The following CNTNAP5 variants were observed in gnomAD, a reference collection of about 807,000 sequenced individuals.
CNTNAP5 encodes the protein contactin-associated protein-like 5.
CNTNAP5 carries 72 observed loss-of-function variants against 150.2 expected under a neutral mutation model. That is an observed-to-expected ratio of 0.48 (90% confidence interval 0.40 to 0.58). CNTNAP5 has a LOEUF of 0.58. Ranked by LOEUF, CNTNAP5 falls within the 20% of genes least tolerant of loss-of-function variation. CNTNAP5 has a pLI of 0.00. For missense variants in CNTNAP5, 1,636 were observed against 1,626.2 expected (o/e 1.01, Z -0.10); for synonymous variants, 672 against 619.8 (o/e 1.08, Z -1.25).
At chr2:124,895,485 G>C (rs956983603) in intron 21 of CNTNAP5, among the ~76,000 whole-genome samples, 1 of 151,438 alleles carries the variant, frequency 6.6e-6, no homozygotes, top group Non-Finnish European at 1.5e-5. Context: ...AAGTAACCAG[G>C]TGTGGTGGCA....
chr2:124,026,554 T>C (rs188044283), intron 1 of CNTNAP5, among the ~76,000 whole-genome samples: 2 of 152,230 alleles, frequency 1.3e-5, no homozygotes, highest in East Asian at 1.9e-4. Flanking sequence ...TCTGGAGCTA[T>C]GAGAGGTTCA....
At chr2:124,336,669 C>T (rs1400619690) in intron 3 of CNTNAP5, among the ~76,000 whole-genome samples, 2 of 151,720 alleles carry the variant, frequency 1.3e-5, no homozygotes, top group Non-Finnish European at 2.9e-5. Context: ...ATGATGGTTT[C>T]CAGCTTCATC....
intron 1 of CNTNAP5, among the ~76,000 whole-genome samples, chr2:124,210,714 G>A (rs911703396): frequency 1.3e-5 from 2 of 152,116 alleles, no homozygotes; most frequent in Non-Finnish European, 2.9e-5. Context: ...GCCCAAAACA[G>A]TATTTCCTTG....
intron 22 of CNTNAP5, among the ~76,000 whole-genome samples, chr2:124,904,210 A>C (rs183395724): frequency 2.0e-5 from 3 of 152,118 alleles, no homozygotes; most frequent in Admixed American, 2.0e-4. Flanking sequence ...GATTCCACAT[A>C]TAAGTTATAT....
chr2:124,164,472 G>A (rs1263128200), intron 1 of CNTNAP5, among the ~76,000 whole-genome samples: 1 of 152,182 alleles, frequency 6.6e-6, no homozygotes, highest in Non-Finnish European at 1.5e-5. Context: ...TGTTTTATAT[G>A]TATATATACT....
At chr2:124,225,966 G>T (rs1282278582) in intron 2 of CNTNAP5, among the ~76,000 whole-genome samples, 1 of 152,032 alleles carries the variant, frequency 6.6e-6, no homozygotes, top group Non-Finnish European at 1.5e-5. Flanking sequence ...TTTTATGGAT[G>T]AATAATATTC....
chr2:124,288,580 G>C, intron 3 of CNTNAP5, among the ~76,000 whole-genome samples: 1 of 152,068 alleles, frequency 6.6e-6, no homozygotes, highest in African/African-American at 2.4e-5. Context: ...TTTATTTTGA[G>C]TTAACTTCCT....
At chr2:124,535,283 G>A (rs192056325) in intron 10 of CNTNAP5, among the ~76,000 whole-genome samples, 1 of 152,276 alleles carries the variant, frequency 6.6e-6, no homozygotes, top group East Asian at 1.9e-4. Context: ...GAAGCAGGGT[G>A]CTGTTCCTGC....
intron 19 of CNTNAP5, among the ~76,000 whole-genome samples, chr2:124,858,895 A>C (rs1050114032): frequency 3.3e-5 from 5 of 152,186 alleles, no homozygotes; most frequent in Non-Finnish European, 5.9e-5. Flanking sequence ...TACACCTTAC[A>C]TAAAAATTAA....
rs138618091 is a variant in CNTNAP5 at position 124,458,764 on chromosome 2, G to GA, written c.918+11833dup. On this transcript the variant is annotated intron_variant, in intron 6 of 23. Coordinates refer to ENST00000682447, the MANE Select transcript of CNTNAP5 (RefSeq NM_001367498.1). ...ATTTTTTAAAAAAACAGGTAACAAT[G>GA]AAAAAATATGTAAAGAAAATGAACA... Among the ~76,000 whole-genome samples the GA allele has an allele frequency of 2.9e-4, 44 of 151,992 alleles. 1 individual carries two copies. The East Asian group carries it at 8.5e-3, about 29-fold the overall frequency.
At chr2:124,105,942 A>C (rs2104701055) in intron 1 of CNTNAP5, among the ~76,000 whole-genome samples, 1 of 152,320 alleles carries the variant, frequency 6.6e-6, no homozygotes, top group Admixed American at 6.5e-5. Flanking sequence ...GTAACTATAT[A>C]TCTATTACAT....
chr2:124,610,016 A>G, intron 12 of CNTNAP5, 96 bp downstream of exon 12: 1 of 1,376,470 alleles, frequency 7.3e-7, no homozygotes, highest in South Asian at 1.5e-5. Flanking sequence ...CGTGAATAAA[A>G]ATTTGAAAGA....
Position 124,330,047 on chromosome 2 carries a change from G to A in CNTNAP5, c.382-87396G>A, listed in dbSNP as rs1049540617. Reference sequence around the variant, plus strand: ...CCCAAAATTGTACCTGTAAGATTTGGGTGGATTCTTCTCTTCTTGAGGCTC... The same window carrying A: ...CCCAAAATTGTACCTGTAAGATTTGAGTGGATTCTTCTCTTCTTGAGGCTC... On this transcript the variant is annotated intron_variant, in intron 3 of 23. Coordinates refer to ENST00000682447, the MANE Select transcript of CNTNAP5 (RefSeq NM_001367498.1). Among the ~76,000 whole-genome samples, 13 of 152,212 alleles carry A rather than the reference G, an allele frequency of 8.5e-5. No homozygotes were observed. In the East Asian group the frequency reaches 1.7e-3, roughly 20 times the overall value.
chr2:124,678,263 G>A (rs1231732952), intron 13 of CNTNAP5, among the ~76,000 whole-genome samples: 1 of 151,836 alleles, frequency 6.6e-6, no homozygotes, highest in Non-Finnish European at 1.5e-5. Flanking sequence ...GAGTATGTCA[G>A]GAATTTCCCC....
At chr2:124,526,635 T>G (rs1694975151) in intron 9 of CNTNAP5, among the ~76,000 whole-genome samples, 1 of 152,182 alleles carries the variant, frequency 6.6e-6, no homozygotes, top group African/African-American at 2.4e-5. Flanking sequence ...TTAAGAACAC[T>G]CTTTAAAAAG....
chr2:124,511,928 G>GTT (rs11301671), intron 8 of CNTNAP5, among the ~76,000 whole-genome samples: 1 of 141,892 alleles, frequency 7.0e-6, no homozygotes. Flanking sequence ...CCTGAATAGG[G>GTT]TTTTTTTTTT....
At chr2:124,363,135 C>A (rs575437737) in intron 3 of CNTNAP5, among the ~76,000 whole-genome samples, 2 of 152,178 alleles carry the variant, frequency 1.3e-5, no homozygotes, top group Admixed American at 1.3e-4. Flanking sequence ...ATATTAATTG[C>A]CCTGTTGCTG....
chr2:124,323,765 C>T (rs1689153512), intron 3 of CNTNAP5, among the ~76,000 whole-genome samples: 1 of 152,178 alleles, frequency 6.6e-6, no homozygotes, highest in Non-Finnish European at 1.5e-5. Flanking sequence ...GGAAAGAAAG[C>T]ATTACCTCAT....
intron 9 of CNTNAP5, 115 bp downstream of exon 9, chr2:124,524,567 A>AAC (rs1281942091): frequency 1.7e-5 from 16 of 946,858 alleles, no homozygotes; most frequent in Non-Finnish European, 2.0e-5. Flanking sequence ...CCAACACACA[A>AAC]ACACACACAC....
Sources: allele counts gnomAD v4.1 joint callset (sites outside exome capture counted in the v4.1 genomes callset), GRCh38; gene constraint gnomAD v4.1.1; transcripts MANE v1.5; gene names NCBI Gene and HGNC (gene_info 2026-07-23, HGNC 2026-07-21).